Variants in PCARE observed in about 807,000 individuals in gnomAD.
The protein encoded by PCARE is photoreceptor cilium actin regulator, also known as uncharacterized protein C2orf71.
In PCARE, 72 loss-of-function variants were observed where a neutral mutation model predicts 82.2. The observed-to-expected ratio is 0.88, with a 90% CI of 0.72 to 1.07. The LOEUF (loss-of-function observed/expected upper bound fraction) is 1.07, where lower values mean the gene tolerates loss of function less well. Ranked by LOEUF, PCARE falls within the 50% of genes least tolerant of loss-of-function variation. The pLI is 0.00. For synonymous variants in PCARE, 705 were observed against 634.8 expected (o/e 1.11, Z -1.66); for missense variants, 1,768 against 1,592.4 (o/e 1.11, Z -1.88).
In PCARE at chr2:29,064,759, A is replaced by G; in HGVS notation, c.*110T>C. On this transcript the variant is annotated 3_prime_UTR_variant, in exon 2 of 2. Transcript: ENST00000331664. ...TGCACCTTCCAGGCCTTTCCAGGAC[A>G]CCTCAGTAGGAGTTTGGTTTGCCCA... 1.4e-6 allele frequency: 2 copies of G among 1,428,770 alleles called. No homozygotes were observed. The highest frequency in any genetic ancestry group is 2.4e-5 in the East Asian group (1 of 41,894). The allele number at this position is 1,428,770 out of a possible 1,614,324, so 88.5% of individuals were successfully genotyped here. A position where few individuals can be genotyped will look rare whatever the true frequency, so the allele number is the denominator to read the frequency against.
chr2:29,068,493 T>C (rs1667423321), intron 1 of PCARE, among the ~76,000 whole-genome samples: 1 of 152,214 alleles, frequency 6.6e-6, no homozygotes, highest in African/African-American at 2.4e-5. Context: ...CTGATCTTGA[T>C]AGACACATTA....
In PCARE at chr2:29,071,725, A is replaced by G. The variant is rs1374630911; in HGVS notation, c.2537T>C (p.Leu846Pro). 6.2e-7 allele frequency: 1 copy of G among 1,613,952 alleles called. No homozygotes were observed. The highest frequency in any genetic ancestry group is 1.3e-5 in the African/African-American group (1 of 75,040). ...EVLMDKSFAS[L>P]ESPESSKSTE... ...GGACTTGCTGCTTTCTGGGGACTCC[A>G]GAGAAGCGAATGATTTGTCCATCAG... is the stretch of plus-strand genomic sequence containing the variant. Residue 846 changes from leucine to proline, a missense_variant, in exon 1 of 2, where the codon CTG becomes CCG. Physicochemically the swap from Leu to Pro is moderately conservative, Grantham distance 98. Coordinates refer to ENST00000331664, the MANE Select transcript of PCARE (RefSeq NM_001029883.3).
chr2:29,068,350 TA>T (rs922640924), intron 1 of PCARE, among the ~76,000 whole-genome samples: 1 of 152,250 alleles, frequency 6.6e-6, no homozygotes, highest in African/African-American at 2.4e-5. Flanking sequence ...GAGTACTTTG[TA>T]AAAAATTACC....
At chr2:29,070,248 C>T (rs1667448465) in intron 1 of PCARE, among the ~76,000 whole-genome samples, 1 of 152,102 alleles carries the variant, frequency 6.6e-6, no homozygotes, top group Non-Finnish European at 1.5e-5. Flanking sequence ...AGGTATTTGT[C>T]CTAAGGCTCT....
chr2:29,073,991 C>T lies in PCARE; in HGVS notation c.271G>A (p.Gly91Arg). The change falls in exon 1 of 2, where the codon GGA becomes AGA. Residue 91 changes from glycine (G) to arginine (R), a missense_variant. By Grantham distance (125) the Gly-to-Arg change is moderately radical. Coordinates refer to ENST00000331664, the MANE Select transcript of PCARE (RefSeq NM_001029883.3). Reference sequence around the variant, plus strand: ...GAGGTTTTGGTTCCTGGGATCAGTCCTTCCATATCTTTCCTTTTGCCTGAA... The same window carrying T: ...GAGGTTTTGGTTCCTGGGATCAGTCTTTCCATATCTTTCCTTTTGCCTGAA... ...PASGKRKDMEGLIPGTKTSSS... is the reference protein window; with the variant it reads ...PASGKRKDMERLIPGTKTSSS... 1 of 1,614,170 alleles carries T rather than the reference C, an allele frequency of 6.2e-7. No homozygotes were observed. The highest frequency in any genetic ancestry group is 1.3e-5 in the African/African-American group (1 of 75,024).
chr2:29,065,248 C>A (rs1667374942), intron 1 of PCARE, among the ~76,000 whole-genome samples, 181 bp from the exon 2 acceptor site: 1 of 152,136 alleles, frequency 6.6e-6, no homozygotes, highest in African/African-American at 2.4e-5. Context: ...CCGCCATTGC[C>A]GTGTGCCTGC....
At position 29,071,864 on chromosome 2, in the gene PCARE, G is replaced by T. The variant is rs1285567322; in HGVS notation, c.2398C>A (p.Pro800Thr). The change falls in exon 1 of 2, where the codon CCC becomes ACC. Residue 800 changes from proline (P) to threonine (T), a missense_variant. By Grantham distance (38) the Pro-to-Thr change is conservative (BLOSUM62 -1). Coordinates refer to ENST00000331664, the MANE Select transcript of PCARE (RefSeq NM_001029883.3). ...ESLKMGIGWK[P>T]LAPIFPPLPK... ...AGAGGGGGAAAGATAGGTGCTAAGGGCTTCCAGCCTATGCCCATTTTGAGA... is the reference window on the plus strand; with the variant it reads ...AGAGGGGGAAAGATAGGTGCTAAGGTCTTCCAGCCTATGCCCATTTTGAGA... 1.2e-6 allele frequency: 2 copies of T among 1,614,098 alleles called. No homozygotes were observed. Among genetic ancestry groups the T allele is most frequent in the Non-Finnish European group, 1.7e-6 (2 of 1,180,048 alleles).
Position 29,064,746 on chromosome 2 carries a change from G to A in PCARE, c.*123C>T. ...ACCCACTGGGCAGTGCACCTTCCAG[G>A]CCTTTCCAGGACACCTCAGTAGGAG... On this transcript the variant is annotated 3_prime_UTR_variant, in exon 2 of 2. Transcript: ENST00000331664. 1 of 1,307,350 alleles carries A rather than the reference G, an allele frequency of 7.6e-7. No individual in the cohort carries two copies. The highest frequency in any genetic ancestry group is 1.1e-6 in the Non-Finnish European group (1 of 934,534). The allele number at this position is 1,307,350 out of a possible 1,614,324, so 81.0% of individuals were successfully genotyped here.
chr2:29,073,226 A>G lies in PCARE; in HGVS notation c.1036T>C (p.Cys346Arg). Residue 346 changes from cysteine to arginine, a missense_variant, in exon 1 of 2, where the codon TGC (cysteine) becomes CGC (arginine). Cys to Arg is a radical substitution (Grantham distance 180). Transcript: ENST00000331664. ...GCACCAATGCCACTGTCCTCAGAGC[A>G]TAAGGGGAGACCCTGCACCCCAGGG... ...GDPGVQGLPL[C>R]SEDSGIGADN... is the part of the protein sequence containing the mutation. 6.2e-7 allele frequency: 1 copy of G among 1,614,118 alleles called. No homozygotes were observed.
At position 29,073,391 on chromosome 2, in the gene PCARE, T is replaced by C; in HGVS notation, c.871A>G (p.Ser291Gly). The change falls in exon 1 of 2, where the codon AGC becomes GGC. Residue 291 changes from serine to glycine, a missense_variant. Coordinates refer to ENST00000331664, the MANE Select transcript of PCARE (RefSeq NM_001029883.3). ...LNGTVASLTG[S>G]FLEGSSSYLH... ...TAGCTGCTGGAGCCCTCCAGGAAGC[T>C]GCCGGTGAGCGAGGCCACTGTGCCA... The C allele has an allele frequency of 6.2e-7, 1 of 1,613,960 alleles. No homozygotes were observed. The highest frequency in any genetic ancestry group is 2.2e-5 in the East Asian group (1 of 44,880).
chr2:29,073,621 A>G lies in PCARE; in HGVS notation c.641T>C (p.Leu214Pro). ...IIHQATQTRE[L>P]LQPMVSFLLL... Reference sequence around the variant, plus strand: ...CAAGAAGCTGACCATGGGCTGCAGCAGCTCCCGGGTCTGGGTGGCCTGATG... The same window carrying G: ...CAAGAAGCTGACCATGGGCTGCAGCGGCTCCCGGGTCTGGGTGGCCTGATG... Residue 214 changes from leucine to proline, a missense_variant, in exon 1 of 2, where the codon CTG (leucine) becomes CCG (proline). Leu to Pro is a moderately conservative substitution (Grantham distance 98). Coordinates refer to ENST00000331664, the MANE Select transcript of PCARE (RefSeq NM_001029883.3). 6.2e-7 allele frequency: 1 copy of G among 1,614,202 alleles called. No homozygotes were observed. The highest frequency in any genetic ancestry group is 8.5e-7 in the Non-Finnish European group (1 of 1,180,034).
chr2:29,069,046 A>T (rs1324198337), intron 1 of PCARE, among the ~76,000 whole-genome samples: 3 of 152,234 alleles, frequency 2.0e-5, no homozygotes, highest in Non-Finnish European at 4.4e-5. Context: ...TCTTTTGTGA[A>T]TGCAGGGTGG....
In PCARE at chr2:29,071,278, G is replaced by C. The variant is rs1427158853; in HGVS notation, c.2984C>G (p.Ser995Cys). Residue 995 changes from serine to cysteine, a missense_variant, in exon 1 of 2, where the codon TCT (serine) becomes TGT (cysteine). Ser to Cys is a moderately radical substitution (Grantham distance 112). Coordinates refer to ENST00000331664, the MANE Select transcript of PCARE (RefSeq NM_001029883.3). ...AGGCACCCAGTGTGTCCTCGTGGGA[G>C]AGGCCTTTCTGCCCACAGGGGGGCT... ...ERSPPVGRKA[S>C]PTRTHWVPQA... is the part of the protein sequence containing the mutation. 6.2e-7 allele frequency: 1 copy of C among 1,613,442 alleles called. No individual in the cohort carries two copies. The highest frequency in any genetic ancestry group is 1.3e-5 in the African/African-American group (1 of 74,924).
In PCARE at chr2:29,073,002, T is replaced by A. The variant is rs754326754; in HGVS notation, c.1260A>T (p.Ala420=). ...CGTCCTGTGCTCGTGGCTGAACCTT[T>A]GCCATAGGAGCCCCTGAGAGCAGGC... ...QDCLLSGAPM[A]KVQPRAQDEA... is the part of the protein sequence containing the mutation. The change falls in exon 1 of 2, where the codon GCA becomes GCT. Residue 420 remains alanine (A), a synonymous_variant. Transcript: ENST00000331664. 1 of 1,614,130 alleles carries A rather than the reference T, an allele frequency of 6.2e-7. No individual in the cohort carries two copies. Among genetic ancestry groups the A allele is most frequent in the East Asian group, 2.2e-5 (1 of 44,870 alleles).
Position 29,072,622 on chromosome 2 carries a change from G to A in PCARE, c.1640C>T (p.Ser547Leu). The A allele has an allele frequency of 6.2e-7, 1 of 1,614,108 alleles. No homozygotes were observed. The highest frequency in any genetic ancestry group is 8.5e-7 in the Non-Finnish European group (1 of 1,180,038). Residue 547 changes from serine to leucine, a missense_variant, in exon 1 of 2, where the codon TCA (serine) becomes TTA (leucine). Physicochemically the swap from Ser to Leu is moderately radical, Grantham distance 145. Coordinates refer to ENST00000331664, the MANE Select transcript of PCARE (RefSeq NM_001029883.3). ...GACAAACTTGATCCTTTCGCTGATTGACTCCTTCATCTTCAGAATCATTTC... is the reference window on the plus strand; with the variant it reads ...GACAAACTTGATCCTTTCGCTGATTAACTCCTTCATCTTCAGAATCATTTC... The part of the protein sequence containing the change: ...AQEMILKMKE[S>L]ISERIKFVPV...
chr2:29,071,891 A>T lies in PCARE; in HGVS notation c.2371T>A (p.Ser791Thr), dbSNP rs781609460. The T allele has an allele frequency of 9.9e-6, 16 of 1,614,018 alleles. No individual in the cohort carries two copies. The highest frequency in any genetic ancestry group is 1.1e-5 in the South Asian group (1 of 91,078). Reference sequence around the variant, plus strand: ...TTCCAGCCTATGCCCATTTTGAGAGATTCTCTGCCTGATGCTGGAGAAATT... The same window carrying T: ...TTCCAGCCTATGCCCATTTTGAGAGTTTCTCTGCCTGATGCTGGAGAAATT... The part of the protein sequence containing the change: ...PQISPASGRE[S>T]LKMGIGWKPL... The change falls in exon 1 of 2, where the codon TCT (serine) becomes ACT (threonine). Residue 791 changes from serine (S) to threonine (T), a missense_variant. By Grantham distance (58) the Ser-to-Thr change is moderately conservative (BLOSUM62 1). Transcript: ENST00000331664.
chr2:29,068,533 C>G (rs188423193), intron 1 of PCARE, among the ~76,000 whole-genome samples: 1 of 152,126 alleles, frequency 6.6e-6, no homozygotes, highest in Non-Finnish European at 1.5e-5. Flanking sequence ...AGACCTCAGA[C>G]ATTTTTTTTT....
At position 29,071,469 on chromosome 2, in the gene PCARE, G is replaced by T. The variant is rs766845528; in HGVS notation, c.2793C>A (p.Ser931Arg). 3 of 1,611,922 alleles carry T rather than the reference G, an allele frequency of 1.9e-6. No individual in the cohort carries two copies. Among genetic ancestry groups the T allele is most frequent in the Admixed American group, 3.3e-5 (2 of 60,030 alleles). ...TCCCACCCTTCACCTCGGGGCTTTG[G>T]CTGGTGGCTGGTGGGCTGCTCAGGT... ...ALDLSSPPAT[S>R]QSPEVKGGTW... Residue 931 changes from serine to arginine, a missense_variant, in exon 1 of 2, where the codon AGC (serine) becomes AGA (arginine). By Grantham distance (110) the Ser-to-Arg change is moderately radical. Coordinates refer to ENST00000331664, the MANE Select transcript of PCARE (RefSeq NM_001029883.3).
rs1357464557 is a variant in PCARE, at chr2:29,073,348, G to T, written c.914C>A (p.Thr305Asn). The T allele has an allele frequency of 6.2e-7, 1 of 1,614,004 alleles. No individual in the cohort carries two copies. The highest frequency in any genetic ancestry group is 2.2e-5 in the East Asian group (1 of 44,884). ...GSSSYLHSTA[T>N]HLENKLSTKR... The stretch of plus-strand genomic sequence containing the variant: ...TGTGCTCAGCTTATTTTCCAAGTGG[G>T]TTGCAGTGGAGTGGAGGTAGCTGCT... The change falls in exon 1 of 2, where the codon ACC becomes AAC. Residue 305 changes from threonine to asparagine, a missense_variant. Transcript: ENST00000331664.
Sources: gnomAD v4.1 joint callset for allele counts (sites outside exome capture counted in the v4.1 genomes callset) on GRCh38, gnomAD v4.1.1 for gene constraint, MANE v1.5 for transcripts, NCBI Gene and HGNC (gene_info 2026-07-23, HGNC 2026-07-21) for gene names.